Variants in CNTNAP2 observed in about 807,000 individuals in gnomAD.
CNTNAP2 encodes contactin-associated protein-like 2.
Under a neutral mutation model 155.2 loss-of-function variants are expected in CNTNAP2, and 98 were observed. The ratio of observed to expected loss-of-function variants is 0.63; its 90% CI spans 0.54 to 0.75. The LOEUF (loss-of-function observed/expected upper bound fraction) is 0.75, where lower values mean the gene tolerates loss of function less well. Ranked by LOEUF, CNTNAP2 falls within the 30% of genes least tolerant of loss-of-function variation. The pLI, the probability that CNTNAP2 is intolerant of heterozygous loss-of-function variation, is 0.00. For missense variants in CNTNAP2, 1,727 were observed against 1,688.1 expected (o/e 1.02, Z -0.40); for synonymous variants, 651 against 631.2 (o/e 1.03, Z -0.47).
chr7:147,285,749 T>A (rs1037138270), intron 8 of CNTNAP2, among the ~76,000 whole-genome samples: 10 of 152,004 alleles, frequency 6.6e-5, no homozygotes, highest in Admixed American at 2.0e-4. Flanking sequence ...TCTGTAATCA[T>A]TCTAGTGTTC....
At chr7:146,132,423 T>G (rs1472252925) in intron 1 of CNTNAP2, among the ~76,000 whole-genome samples, 1 of 152,164 alleles carries the variant, frequency 6.6e-6, no homozygotes, top group African/African-American at 2.4e-5. Flanking sequence ...TTTATTTATT[T>G]TTTTATTATA....
chr7:147,309,549 TA>T (rs1184037068), intron 9 of CNTNAP2, among the ~76,000 whole-genome samples: 7 of 152,166 alleles, frequency 4.6e-5, no homozygotes, highest in African/African-American at 1.2e-4. Flanking sequence ...ATTATGTGAT[TA>T]TTTTTTCCAC....
intron 1 of CNTNAP2, among the ~76,000 whole-genome samples, chr7:146,245,484 C>T (rs946882409): frequency 8.6e-5 from 13 of 152,042 alleles, no homozygotes; most frequent in Admixed American, 6.5e-4. Context: ...GCAGACATGA[C>T]GGCTAGGCTA....
At chr7:147,365,961 G>C (rs1036727653) in intron 9 of CNTNAP2, among the ~76,000 whole-genome samples, 1 of 151,930 alleles carries the variant, frequency 6.6e-6, no homozygotes, top group African/African-American at 2.4e-5. Flanking sequence ...TTAAATAGTT[G>C]GCCGTTTTTT....
chr7:146,647,450 C>T (rs1336558628), intron 1 of CNTNAP2, among the ~76,000 whole-genome samples: 1 of 152,012 alleles, frequency 6.6e-6, no homozygotes, highest in East Asian at 1.9e-4. Flanking sequence ...TAACTGAAAA[C>T]ATAATATAAT....
At chr7:146,896,593 T>C (rs1795882624) in intron 3 of CNTNAP2, among the ~76,000 whole-genome samples, 1 of 152,066 alleles carries the variant, frequency 6.6e-6, no homozygotes, top group Non-Finnish European at 1.5e-5. Flanking sequence ...AACCAGGCAA[T>C]ATCAAATATT....
rs934857382 is a variant in CNTNAP2, at chr7:146,870,723, GA to G, written c.402+30821del. On this transcript the variant is annotated intron_variant, in intron 3 of 23. Coordinates refer to ENST00000361727, the MANE Select transcript of CNTNAP2 (RefSeq NM_014141.6). Reference sequence around the variant, plus strand: ...TTGTTTTCTCTAAGAGTTTGAAAAAGAACCAGTATTTTTGAGGTTGTGTCAA... The same window carrying G: ...TTGTTTTCTCTAAGAGTTTGAAAAAGACCAGTATTTTTGAGGTTGTGTCAA... 1.5e-3 allele frequency among the ~76,000 whole-genome samples: 224 copies of G among 152,130 alleles called. 1 individual carries two copies. The highest frequency in any genetic ancestry group is 5.1e-3 in the African/African-American group (212 of 41,536).
intron 1 of CNTNAP2, among the ~76,000 whole-genome samples, chr7:146,400,278 A>G (rs1795694937): frequency 6.6e-6 from 1 of 151,104 alleles, no homozygotes; most frequent in African/African-American, 2.5e-5. Context: ...AAAAAAAAAA[A>G]TATGAAAAAA....
intron 2 of CNTNAP2, among the ~76,000 whole-genome samples, chr7:146,826,857 T>TATATAG (rs773069615): frequency 1.5e-3 from 206 of 138,956 alleles, no homozygotes; most frequent in African/African-American, 4.7e-3. Context: ...TATATATATA[T>TATATAG]AGAGAGAGAG....
At chr7:148,072,302 G>A (rs367750254) in intron 15 of CNTNAP2, among the ~76,000 whole-genome samples, 11 of 152,146 alleles carry the variant, frequency 7.2e-5, no homozygotes, top group African/African-American at 2.7e-4. Context: ...TGTTTGGCAA[G>A]CTTTTTCTGT....
chr7:146,172,112 C>T (rs1433307722), intron 1 of CNTNAP2, among the ~76,000 whole-genome samples: 1 of 136,798 alleles, frequency 7.3e-6, no homozygotes, highest in African/African-American at 2.7e-5. Context: ...TTTTTGTTAC[C>T]AGTTCGTGTT....
At chr7:147,516,848 C>CTTTTTTTTTTTTTT (rs1221666617) in intron 11 of CNTNAP2, among the ~76,000 whole-genome samples, 3 of 112,622 alleles carry the variant, frequency 2.7e-5, no homozygotes, top group African/African-American at 6.9e-5. Flanking sequence ...TCTTTCTTTT[C>CTTTTTTTTTTTTTT]TTTTTTTTTT....
At chr7:146,752,846 G>A (rs985484) in intron 1 of CNTNAP2, among the ~76,000 whole-genome samples, 2 of 152,150 alleles carry the variant, frequency 1.3e-5, no homozygotes, top group Non-Finnish European at 2.9e-5. Context: ...TGGCTAGCCA[G>A]TTATTCTAGC....
At chr7:146,362,657 AAG>A in intron 1 of CNTNAP2, among the ~76,000 whole-genome samples, 1 of 152,328 alleles carries the variant, frequency 6.6e-6, no homozygotes, top group African/African-American at 2.4e-5. Context: ...GCTAAAAATA[AAG>A]AAGCTGAATT....
At chr7:148,177,404 C>T (rs549422788) in intron 18 of CNTNAP2, among the ~76,000 whole-genome samples, 1 of 152,288 alleles carries the variant, frequency 6.6e-6, no homozygotes, top group South Asian at 2.1e-4. Flanking sequence ...CCTGAGGCTA[C>T]CAGAGGCTAG....
At chr7:147,578,116 C>T (rs530237243) in intron 12 of CNTNAP2, among the ~76,000 whole-genome samples, 55 of 152,032 alleles carry the variant, frequency 3.6e-4, no homozygotes, top group African/African-American at 2.2e-4. Context: ...ATAGATGCTG[C>T]GGTTTTATCA....
At chr7:146,664,988 C>T (rs1362426238) in intron 1 of CNTNAP2, among the ~76,000 whole-genome samples, 1 of 152,056 alleles carries the variant, frequency 6.6e-6, no homozygotes, top group East Asian at 1.9e-4. Flanking sequence ...GTCTTGCTCT[C>T]GCCCAGCTGG....
intron 16 of CNTNAP2, among the ~76,000 whole-genome samples, chr7:148,128,555 A>T (rs1267100255): frequency 6.6e-6 from 1 of 152,218 alleles, no homozygotes; most frequent in Admixed American, 6.5e-5. Flanking sequence ...AAAGATATAT[A>T]AATAGTTGGT....
At chr7:148,372,537 G>A (rs149439704) in intron 21 of CNTNAP2, among the ~76,000 whole-genome samples, 2,413 of 152,010 alleles carry the variant, frequency 0.016, 50 homozygotes, top group South Asian at 0.06. Context: ...GTGAAACCCC[G>A]TCTCTACTAA....
Sources: gnomAD v4.1 joint callset for allele counts (sites outside exome capture counted in the v4.1 genomes callset) on GRCh38, gnomAD v4.1.1 for gene constraint, MANE v1.5 for transcripts, NCBI Gene and HGNC (gene_info 2026-07-23, HGNC 2026-07-21) for gene names.